CCS: variants seen among roughly 807,000 people sequenced by gnomAD.
CCS encodes superoxide dismutase copper chaperone.
A neutral mutation model predicts 35.5 loss-of-function variants in CCS; 32 were observed. The ratio of observed to expected loss-of-function variants is 0.90; its 90% CI spans 0.68 to 1.21. The LOEUF (loss-of-function observed/expected upper bound fraction) is 1.21. Ranked by LOEUF, CCS falls within the 50% of genes most tolerant of loss-of-function variation. The pLI is 0.00. For missense variants in CCS, 342 were observed against 375.4 expected (o/e 0.91, Z 0.73); for synonymous variants, 130 against 147.2 (o/e 0.88, Z 0.84).
chr11:66,598,843 A>T (rs1206205986), intron 2 of CCS, among the ~76,000 whole-genome samples: 1 of 152,150 alleles, frequency 6.6e-6, no homozygotes, highest in Non-Finnish European at 1.5e-5. Flanking sequence ...AAAAAGAATG[A>T]TGTATGTTTC....
chr11:66,598,528 A>G (rs1470964924), intron 2 of CCS, among the ~76,000 whole-genome samples: 1 of 148,710 alleles, frequency 6.7e-6, no homozygotes, highest in African/African-American at 2.5e-5. Context: ...AAAAAAAAAT[A>G]TTTTTTAAGC....
In CCS at chr11:66,605,526, A is replaced by G. The variant is rs758732809; in HGVS notation, c.605A>G (p.Glu202Gly). 5.6e-6 allele frequency: 9 copies of G among 1,614,052 alleles called. No individual in the cohort carries two copies. Among genetic ancestry groups the G allele is most frequent in the Non-Finnish European group, 7.6e-6 (9 of 1,179,988 alleles). The change falls in exon 7 of 8, where the codon GAG becomes GGG. Residue 202 changes from glutamate to glycine, a missense_variant. Glu to Gly is a moderately conservative substitution (Grantham distance 98). Transcript: ENST00000533244. ...DVIGRSLIID[E>G]GEDDLGRGGH... The stretch of plus-strand genomic sequence containing the variant: ...ATTGGCCGCAGCCTGATTATTGATG[A>G]GGGAGAAGATGACCTGGGCCGGGGA...
At chr11:66,597,789 C>T (rs1858504063) in intron 2 of CCS, among the ~76,000 whole-genome samples, 1 of 151,050 alleles carries the variant, frequency 6.6e-6, no homozygotes, top group Non-Finnish European at 1.5e-5. Context: ...GGCTGGGCAG[C>T]TAGGCACAGT....
rs1431057965 is a variant in CCS at position 66,599,058 on chromosome 11, C to A, written c.113-58C>A. The A allele has an allele frequency of 1.9e-6, 3 of 1,608,608 alleles. No homozygotes were observed. In the African/African-American group the frequency reaches 4.0e-5, roughly 22 times the overall value. ...AGAATTGCTGTCTGTTTTTCTGTTC[C>A]CTGCTGCCAGCACTGGGTGCCAGCC... On this transcript the variant is annotated intron_variant, in intron 2 of 7. Coordinates refer to ENST00000533244, the MANE Select transcript of CCS (RefSeq NM_005125.2).
chr11:66,594,375 T>A (rs539452103), intron 2 of CCS, among the ~76,000 whole-genome samples: 13 of 150,912 alleles, frequency 8.6e-5, no homozygotes, highest in African/African-American at 3.2e-4. Context: ...ATAATAATAA[T>A]AAATAAAAGG....
chr11:66,605,708 C>G lies in CCS; in HGVS notation c.678C>G (p.Ala226=). 1 of 1,582,778 alleles carries G rather than the reference C, an allele frequency of 6.3e-7. No homozygotes were observed. The highest frequency in any genetic ancestry group is 8.6e-7 in the Non-Finnish European group (1 of 1,164,008). Residue 226 remains alanine, a synonymous_variant, in exon 8 of 8, where the codon GCC becomes GCG. Coordinates refer to ENST00000533244, the MANE Select transcript of CCS (RefSeq NM_005125.2). ...KITGNSGERL[A]CGIIARSAGL... ...ACCACACATTCTTCTGCAGGTTGGC[C>G]TGTGGCATCATTGCACGCTCCGCTG...
At chr11:66,600,860 T>C (rs1282930994) in intron 5 of CCS, among the ~76,000 whole-genome samples, 1 of 152,022 alleles carries the variant, frequency 6.6e-6, no homozygotes, top group Non-Finnish European at 1.5e-5. Context: ...GAGCCCACAG[T>C]GAATAGTTCA....
At chr11:66,604,286 C>G (rs553941075) in intron 5 of CCS, among the ~76,000 whole-genome samples, 8 of 152,128 alleles carry the variant, frequency 5.3e-5, no homozygotes, top group Admixed American at 3.3e-4. Context: ...ATCCCCTCCC[C>G]CTTCTTGATC....
At chr11:66,594,679 A>G (rs1858443178) in intron 2 of CCS, among the ~76,000 whole-genome samples, 1 of 151,650 alleles carries the variant, frequency 6.6e-6, no homozygotes, top group African/African-American at 2.4e-5. Context: ...GGGAGGCCAA[A>G]GCAGGAGGAT....
chr11:66,593,806 A>T, intron 2 of CCS, 92 bp downstream of exon 2: 1 of 1,158,694 alleles, frequency 8.6e-7, no homozygotes, highest in Non-Finnish European at 1.3e-6. Flanking sequence ...CCCATTTTAC[A>T]GATGCAGAAA....
chr11:66,605,484 C>T lies in CCS; in HGVS notation c.568-5C>T. 6.2e-7 allele frequency: 1 copy of T among 1,613,824 alleles called. No homozygotes were observed. The highest frequency in any genetic ancestry group is 1.1e-5 in the South Asian group (1 of 91,032). ...ATCATCTGAAGCTGTCGTCTCCCCT[C>T]AAAGGTGTGGGATGTGATTGGCCGC... is the stretch of plus-strand genomic sequence containing the variant. On this transcript the variant is annotated splice_region_variant and splice_polypyrimidine_tract_variant and intron_variant, in intron 6 of 7. Transcript: ENST00000533244.
At chr11:66,599,891 G>A (rs1230664854) in intron 4 of CCS, 6 of 387,478 alleles carry the variant, frequency 1.5e-5, no homozygotes, top group South Asian at 8.5e-5. Context: ...TGAGGTGGGC[G>A]GATCACCTGA....
intron 5 of CCS, among the ~76,000 whole-genome samples, chr11:66,601,772 C>T (rs1858576062): frequency 6.6e-6 from 1 of 152,008 alleles, no homozygotes; most frequent in South Asian, 2.1e-4. Context: ...TAGGGTGTCA[C>T]TATGTTCCTC....
intron 2 of CCS, among the ~76,000 whole-genome samples, chr11:66,596,989 C>T (rs1858488009): frequency 6.6e-6 from 1 of 152,210 alleles, no homozygotes; most frequent in South Asian, 2.1e-4. Context: ...TTCTGTGCCT[C>T]AGTTTTCTCA....
At chr11:66,599,801 G>A (rs1858543936) in intron 4 of CCS, 165 bp downstream of exon 4, 1 of 661,836 alleles carries the variant, frequency 1.5e-6, no homozygotes, top group Admixed American at 3.3e-5. Context: ...GCAGGTAAAA[G>A]GTAGAGTTGG....
intron 5 of CCS, among the ~76,000 whole-genome samples, chr11:66,603,707 G>A (rs1157493186): frequency 3.3e-5 from 5 of 152,292 alleles, no homozygotes; most frequent in Admixed American, 6.5e-5. Context: ...TTAGCCAGGC[G>A]TGGTGGCGGG....
At chr11:66,605,071 A>G in intron 5 of CCS, 1 of 1,396,344 alleles carries the variant, frequency 7.2e-7, no homozygotes, top group Non-Finnish European at 9.5e-7. Flanking sequence ...TTTTCAGCCC[A>G]CTGTCATCCT....
chr11:66,593,964 C>G (rs927510700), intron 2 of CCS, among the ~76,000 whole-genome samples: 1 of 152,152 alleles, frequency 6.6e-6, no homozygotes, highest in Non-Finnish European at 1.5e-5. Flanking sequence ...GACTGAGGAG[C>G]TAGGCTGAGG....
rs868824969 is a variant in CCS at position 66,593,275 on chromosome 11, C to T, written c.14C>T (p.Ser5Leu). The change falls in exon 1 of 8, where the codon TCG becomes TTG. Residue 5 changes from serine to leucine, a missense_variant. Ser to Leu is a moderately radical substitution (Grantham distance 145, BLOSUM62 -2). Coordinates refer to ENST00000533244, the MANE Select transcript of CCS (RefSeq NM_005125.2). Reference protein sequence around the residue: MASDSGNQGTLCTLE... With the variant: MASDLGNQGTLCTLE... ...ACTGGGTCCAGAATGGCTTCGGATTCGGGGAACCAGGGGACCCTCTGCACG... is the reference window on the plus strand; with the variant it reads ...ACTGGGTCCAGAATGGCTTCGGATTTGGGGAACCAGGGGACCCTCTGCACG... The T allele has an allele frequency of 6.4e-7, 1 of 1,559,290 alleles. No homozygotes were observed. Among genetic ancestry groups the T allele is most frequent in the East Asian group, 2.4e-5 (1 of 42,304 alleles).
Sources: gnomAD v4.1 joint callset for allele counts (sites outside exome capture counted in the v4.1 genomes callset) on GRCh38, gnomAD v4.1.1 for gene constraint, MANE v1.5 for transcripts, NCBI Gene and HGNC (gene_info 2026-07-23, HGNC 2026-07-21) for gene names.